Variants in DPYD observed in about 807,000 individuals in gnomAD.
The protein encoded by DPYD is dihydropyrimidine dehydrogenase [NADP(+)].
DPYD carries 109 observed loss-of-function variants against 116.2 expected under a neutral mutation model. The observed-to-expected ratio is 0.94, with a 90% CI of 0.80 to 1.10. The LOEUF (loss-of-function observed/expected upper bound fraction) is 1.10. Ranked by LOEUF, DPYD falls within the 50% of genes least tolerant of loss-of-function variation. DPYD has a pLI of 0.00. For missense variants in DPYD, 1,302 were observed against 1,254.5 expected, an observed-to-expected ratio of 1.04 and a Z score of -0.57; for synonymous variants, 440 against 432.0, an observed-to-expected ratio of 1.02 and a Z score of -0.23.
intron 13 of DPYD, among the ~76,000 whole-genome samples, chr1:97,499,167 T>C (rs1679437850): frequency 1.3e-5 from 2 of 151,768 alleles, no homozygotes; most frequent in Non-Finnish European, 3.0e-5. Flanking sequence ...TTTCTGTTTA[T>C]TTAAAACAGA....
intron 14 of DPYD, among the ~76,000 whole-genome samples, chr1:97,418,738 A>C (rs115359427): frequency 0.029 from 4,354 of 152,288 alleles, 144 homozygotes; most frequent in Non-Finnish European, 0.034. Flanking sequence ...CAGTGCAAAA[A>C]TACACTGTAT....
intron 20 of DPYD, among the ~76,000 whole-genome samples, chr1:97,127,623 C>G (rs1652950226): frequency 6.6e-6 from 1 of 152,126 alleles, no homozygotes; most frequent in African/African-American, 2.4e-5. Flanking sequence ...TCATTAAGCT[C>G]TATTACTTAC....
intron 5 of DPYD, among the ~76,000 whole-genome samples, chr1:97,701,140 C>T (rs767425494): frequency 8.1e-5 from 12 of 148,136 alleles, no homozygotes; most frequent in Non-Finnish European, 1.3e-4. Context: ...AAGTTAAAGA[C>T]TAGAAAAAGT....
intron 1 of DPYD, among the ~76,000 whole-genome samples, chr1:97,891,137 T>C (rs759889399): frequency 6.6e-6 from 1 of 151,904 alleles, no homozygotes; most frequent in Non-Finnish European, 1.5e-5. Flanking sequence ...AGCAAGACTT[T>C]AAAAAACTAA....
At chr1:97,157,739 C>A (rs1419110296) in intron 20 of DPYD, among the ~76,000 whole-genome samples, 1 of 152,062 alleles carries the variant, frequency 6.6e-6, no homozygotes, top group Non-Finnish European at 1.5e-5. Context: ...GAATACAACT[C>A]TTGATGGATA....
At chr1:97,236,071 G>A (rs1053471996) in intron 18 of DPYD, among the ~76,000 whole-genome samples, 1 of 152,180 alleles carries the variant, frequency 6.6e-6, no homozygotes, top group Non-Finnish European at 1.5e-5. Context: ...ATTCTCAAAT[G>A]TTAAACATCC....
intron 4 of DPYD, among the ~76,000 whole-genome samples, chr1:97,727,526 G>T (rs1273266617): frequency 5.3e-5 from 8 of 151,688 alleles, no homozygotes; most frequent in African/African-American, 1.9e-4. Context: ...TCTCAGAAAG[G>T]AAGGGGAAAG....
intron 7 of DPYD, 69 bp from the exon 8 acceptor site, chr1:97,679,251 C>A: frequency 2.4e-6 from 2 of 829,310 alleles, no homozygotes; most frequent in African/African-American, 1.7e-5. Context: ...TATTTAACAT[C>A]AAAAAGAATG....
At chr1:97,484,848 G>C (rs1678530720) in intron 13 of DPYD, among the ~76,000 whole-genome samples, 1 of 152,038 alleles carries the variant, frequency 6.6e-6, no homozygotes, top group South Asian at 2.1e-4. Context: ...TTAGTATATT[G>C]TACTGTTTCT....
chr1:97,866,427 T>C (rs1223606692), intron 2 of DPYD, among the ~76,000 whole-genome samples: 1 of 151,982 alleles, frequency 6.6e-6, no homozygotes, highest in Non-Finnish European at 1.5e-5. Context: ...TTATATTGTG[T>C]GACTGTATTT....
At chr1:97,376,627 A>C (rs1303444115) in intron 15 of DPYD, among the ~76,000 whole-genome samples, 1 of 152,140 alleles carries the variant, frequency 6.6e-6, no homozygotes, top group African/African-American at 2.4e-5. Flanking sequence ...AACCATTCAA[A>C]AAGCCTTAAT....
intron 13 of DPYD, among the ~76,000 whole-genome samples, chr1:97,507,778 C>A (rs1425012447): frequency 6.6e-6 from 1 of 152,004 alleles, no homozygotes; most frequent in East Asian, 1.9e-4. Flanking sequence ...GGAGCAACTT[C>A]CTCTCAATTA....
At chr1:97,273,046 C>T (rs1343074095) in intron 18 of DPYD, among the ~76,000 whole-genome samples, 1 of 152,022 alleles carries the variant, frequency 6.6e-6, no homozygotes, top group Non-Finnish European at 1.5e-5. Flanking sequence ...GGGCATTTTA[C>T]GGGTGTTACT....
intron 3 of DPYD, among the ~76,000 whole-genome samples, chr1:97,769,915 G>T (rs1353674309): frequency 6.6e-6 from 1 of 152,162 alleles, no homozygotes; most frequent in Non-Finnish European, 1.5e-5. Context: ...CTGTGATTGT[G>T]CTGTGAAATA....
intron 3 of DPYD, among the ~76,000 whole-genome samples, chr1:97,794,255 G>C (rs1200565460): frequency 1.3e-5 from 2 of 152,088 alleles, no homozygotes; most frequent in African/African-American, 2.4e-5. Flanking sequence ...ATTCTTAAGA[G>C]AATGAAAAGA....
intron 3 of DPYD, among the ~76,000 whole-genome samples, chr1:97,764,830 TTTATA>T (rs1665763751): frequency 1.3e-5 from 2 of 152,272 alleles, no homozygotes; most frequent in South Asian, 2.1e-4. Context: ...TTAATTTTAA[TTTATA>T]TTATATCTCT....
intron 2 of DPYD, among the ~76,000 whole-genome samples, chr1:97,873,690 C>G (rs1671770271): frequency 6.6e-6 from 1 of 151,814 alleles, no homozygotes; most frequent in Non-Finnish European, 1.5e-5. Context: ...ATTAACAAAA[C>G]AACAGTAATA....
At chr1:97,741,342 G>A (rs899521145) in intron 3 of DPYD, among the ~76,000 whole-genome samples, 6 of 152,028 alleles carry the variant, frequency 3.9e-5, no homozygotes, top group Admixed American at 6.6e-5. Context: ...TCTCCTCTCC[G>A]GGGGACTGGC....
At chr1:97,382,621 G>A (rs185561749) in intron 14 of DPYD, among the ~76,000 whole-genome samples, 160 bp from the exon 15 acceptor site, 1 of 152,220 alleles carries the variant, frequency 6.6e-6, no homozygotes, top group East Asian at 1.9e-4. Context: ...GGGTAAGATA[G>A]CAAAACACTG....
Sources: gnomAD v4.1 joint callset for allele counts (sites outside exome capture counted in the v4.1 genomes callset) on GRCh38, gnomAD v4.1.1 for gene constraint, MANE v1.5 for transcripts, NCBI Gene and HGNC (gene_info 2026-07-23, HGNC 2026-07-21) for gene names.